ULK4: variants seen among roughly 807,000 people sequenced by gnomAD.
ULK4 encodes inactive serine/threonine-protein kinase ULK4.
A neutral mutation model predicts 160.6 loss-of-function variants in ULK4; 133 were observed. The observed-to-expected ratio is 0.83, with a 90% CI of 0.72 to 0.96. The LOEUF (loss-of-function observed/expected upper bound fraction) is 0.96, where lower values mean the gene tolerates loss of function less well. ULK4 is among the 40% of genes least tolerant of loss of function. ULK4 has a pLI of 0.00. For missense variants in ULK4, 1,580 were observed against 1,499.5 expected, an observed-to-expected ratio of 1.05 and a Z score of -0.89; for synonymous variants, 534 against 539.8, an observed-to-expected ratio of 0.99 and a Z score of 0.15.
At chr3:41,941,085 GCA>G (rs1262022397) in intron 2 of ULK4, among the ~76,000 whole-genome samples, 9 of 148,570 alleles carry the variant, frequency 6.1e-5, no homozygotes, top group Non-Finnish European at 1.2e-4. Flanking sequence ...CCAGGCTGGA[GCA>G]CAGTGGCACA....
chr3:41,382,812 C>T (rs2081697503), intron 35 of ULK4, among the ~76,000 whole-genome samples: 1 of 152,070 alleles, frequency 6.6e-6, no homozygotes, highest in Non-Finnish European at 1.5e-5. Flanking sequence ...AACCTGACAC[C>T]AAACTCTGGT....
At chr3:41,321,161 G>GCC (rs775004625) in intron 35 of ULK4, among the ~76,000 whole-genome samples, 2 of 152,014 alleles carry the variant, frequency 1.3e-5, no homozygotes, top group Non-Finnish European at 2.9e-5. Flanking sequence ...ACCTCAGGGG[G>GCC]CCCCTTTAAA....
At chr3:41,809,530 T>C (rs1293781213) in intron 19 of ULK4, among the ~76,000 whole-genome samples, 3 of 152,196 alleles carry the variant, frequency 2.0e-5, no homozygotes, top group Non-Finnish European at 4.4e-5. Flanking sequence ...TGGTGCTATG[T>C]TTAGTTCTAT....
At chr3:41,908,776 T>A (rs1033915713) in intron 11 of ULK4, among the ~76,000 whole-genome samples, 1 of 151,994 alleles carries the variant, frequency 6.6e-6, no homozygotes, top group Non-Finnish European at 1.5e-5. Context: ...ATCCTTCCCA[T>A]CAGATCATTA....
At chr3:41,584,042 A>T (rs2030589154) in intron 31 of ULK4, among the ~76,000 whole-genome samples, 1 of 152,220 alleles carries the variant, frequency 6.6e-6, no homozygotes, top group African/African-American at 2.4e-5. Flanking sequence ...ACAATTCACT[A>T]ATTAAGTGGT....
intron 31 of ULK4, among the ~76,000 whole-genome samples, chr3:41,612,353 C>T (rs2032725750): frequency 6.6e-6 from 1 of 152,142 alleles, no homozygotes; most frequent in Non-Finnish European, 1.5e-5. Flanking sequence ...TGAGATTCTC[C>T]CACTTTTCCC....
chr3:41,849,086 T>G (rs1478944415), intron 17 of ULK4, among the ~76,000 whole-genome samples: 1 of 152,176 alleles, frequency 6.6e-6, no homozygotes, highest in African/African-American at 2.4e-5. Context: ...CCTGGAGTGC[T>G]GAGGTTAGCT....
At chr3:41,397,417 A>C (rs1458353887) in intron 35 of ULK4, among the ~76,000 whole-genome samples, 1 of 152,154 alleles carries the variant, frequency 6.6e-6, no homozygotes, top group Non-Finnish European at 1.5e-5. Flanking sequence ...CAAGTGATCA[A>C]AATTAATACC....
chr3:41,943,318 C>T (rs1365397710), intron 2 of ULK4, among the ~76,000 whole-genome samples: 1 of 151,888 alleles, frequency 6.6e-6, no homozygotes, highest in Admixed American at 6.6e-5. Context: ...GATTTGTGGC[C>T]CCCATTATAT....
chr3:41,725,053 T>G (rs1264086517), intron 22 of ULK4, among the ~76,000 whole-genome samples: 1 of 152,228 alleles, frequency 6.6e-6, no homozygotes, highest in Non-Finnish European at 1.5e-5. Flanking sequence ...TGTCTCTTAC[T>G]CTGTGGCTTA....
Position 41,469,241 on chromosome 3 carries a change from G to A in ULK4, c.3227-5988C>T, listed in dbSNP as rs560436057. ...CACCTCAAGAGCCTGCCTAGACAGA[G>A]AGACAAATCTCAACTGTGAATTTCT... is the stretch of plus-strand genomic sequence containing the variant. On this transcript the variant is annotated intron_variant, in intron 32 of 36. Transcript: ENST00000301831. Among the ~76,000 whole-genome samples the A allele has an allele frequency of 5.9e-5, 9 of 152,270 alleles. No homozygotes were observed. In the South Asian group the frequency reaches 6.2e-4, roughly 11 times the overall value.
intron 12 of ULK4, 110 bp downstream of exon 12, chr3:41,907,735 G>T: frequency 1.7e-6 from 1 of 601,850 alleles, no homozygotes; most frequent in South Asian, 3.3e-5. Context: ...CAGCAAAGAT[G>T]ACCTTATTGT....
At position 41,882,267 on chromosome 3, in the gene ULK4, A is replaced by G. The variant is rs117004770; in HGVS notation, c.1656+1607T>C. 2.9e-4 allele frequency: 206 copies of G among 703,028 alleles called. 1 individual carries two copies. The East Asian group carries it at 5.3e-3, about 18-fold the overall frequency. The allele number at this position is 703,028 out of a possible 1,614,324, so 43.5% of individuals were successfully genotyped here. ...AAGACAGTTCAAAATCCCGATTCCA[A>G]TGGAGCTTGTAGTCTAGTGTGGAAA... On this transcript the variant is annotated intron_variant, in intron 17 of 36. Coordinates refer to ENST00000301831, the MANE Select transcript of ULK4 (RefSeq NM_017886.4).
chr3:41,733,194 T>C (rs1446613343), intron 22 of ULK4, among the ~76,000 whole-genome samples: 4 of 152,154 alleles, frequency 2.6e-5, no homozygotes, highest in Non-Finnish European at 4.4e-5. Flanking sequence ...TGTATACACA[T>C]ACCTAAACAT....
chr3:41,646,590 G>A (rs1031441800), intron 30 of ULK4, among the ~76,000 whole-genome samples: 2 of 152,132 alleles, frequency 1.3e-5, no homozygotes, highest in Non-Finnish European at 2.9e-5. Context: ...TTCCCTTTGT[G>A]GGTAACCCGA....
chr3:41,774,704 C>G (rs1295307114), intron 21 of ULK4, among the ~76,000 whole-genome samples: 1 of 150,092 alleles, frequency 6.7e-6, no homozygotes, highest in East Asian at 1.9e-4. Flanking sequence ...ACCATTTGAC[C>G]CAGCCATCCC....
intron 19 of ULK4, among the ~76,000 whole-genome samples, chr3:41,802,604 T>C (rs1282554175): frequency 1.3e-5 from 2 of 152,172 alleles, no homozygotes; most frequent in African/African-American, 2.4e-5. Context: ...AAGCCAAGCA[T>C]ACCTGTTTAA....
chr3:41,255,325 T>TA (rs1184125385), intron 35 of ULK4, among the ~76,000 whole-genome samples: 1 of 151,340 alleles, frequency 6.6e-6, no homozygotes, highest in Non-Finnish European at 1.5e-5. Flanking sequence ...CTACTAAAAA[T>TA]AAAAAAAATT....
chr3:41,541,806 C>G (rs980541987), intron 32 of ULK4, among the ~76,000 whole-genome samples: 2 of 151,942 alleles, frequency 1.3e-5, no homozygotes, highest in African/African-American at 4.8e-5. Context: ...AATGGGAGTT[C>G]GCTCATGATT....
Sources: allele counts gnomAD v4.1 joint callset (sites outside exome capture counted in the v4.1 genomes callset), GRCh38; gene constraint gnomAD v4.1.1; transcripts MANE v1.5; gene names NCBI Gene and HGNC (gene_info 2026-07-23, HGNC 2026-07-21).